Variants in ABRAXAS1 observed in about 807,000 individuals in gnomAD.
The protein encoded by ABRAXAS1 is BRCA1-A complex subunit Abraxas 1.
ABRAXAS1 carries 26 observed loss-of-function variants against 38.4 expected under a neutral mutation model. The ratio of observed to expected loss-of-function variants is 0.68; its 90% CI spans 0.50 to 0.94. The LOEUF is 0.94. ABRAXAS1 is among the 40% of genes least tolerant of loss of function. The pLI is 0.00. For missense variants in ABRAXAS1, 438 were observed against 481.9 expected (o/e 0.91, Z 0.85); for synonymous variants, 144 against 165.5 (o/e 0.87, Z 1.00).
chr4:83,476,644 T>G lies in ABRAXAS1; in HGVS notation c.214A>C (p.Ser72Arg). 1 of 1,564,068 alleles carries G rather than the reference T, an allele frequency of 6.4e-7. No individual in the cohort carries two copies. The highest frequency in any genetic ancestry group is 8.8e-7 in the Non-Finnish European group (1 of 1,135,776). The change falls in exon 3 of 9, where the codon AGC (serine) becomes CGC (arginine). Residue 72 changes from serine (S) to arginine (R), a missense_variant and splice_region_variant. Around this residue, in one of 3 missense-constraint regions of ABRAXAS1, gnomAD observed 194 missense variants for 269.0 expected, o/e 0.72. Coordinates refer to ENST00000321945, the MANE Select transcript of ABRAXAS1 (RefSeq NM_139076.3). The part of the protein sequence containing the change: ...QKYIPCYQLF[S>R]FYNSSGEVNE... ...TTACTTACTAGCACTACTACTTACCTAAAAAGCTGATAGCATGGAATATAT... is the reference window on the plus strand; with the variant it reads ...TTACTTACTAGCACTACTACTTACCGAAAAAGCTGATAGCATGGAATATAT...
chr4:83,479,403 CA>C (rs34420709), intron 2 of ABRAXAS1: 145 of 102,922 alleles, frequency 1.4e-3, no homozygotes, highest in African/African-American at 2.4e-3. Flanking sequence ...GACTCTGTTT[CA>C]AAAAAAAAAA....
chr4:83,462,975 G>A, intron 8 of ABRAXAS1, 73 bp from the exon 9 acceptor site: 1 of 1,008,648 alleles, frequency 9.9e-7, no homozygotes, highest in South Asian at 1.7e-5. Context: ...CTATTTGTAA[G>A]TAAAATTAAG....
chr4:83,462,841 G>A lies in ABRAXAS1; in HGVS notation c.858C>T (p.Thr286=), dbSNP rs1722186850. Residue 286 remains threonine (T), a synonymous_variant, in exon 9 of 9, where the codon ACC becomes ACT. Transcript: ENST00000321945. ...GAAGAAATTCAGAATTTGGAAAAAAGGTCCGTAATGCCTGACAAAGAAAAA... is the reference window on the plus strand; with the variant it reads ...GAAGAAATTCAGAATTTGGAAAAAAAGTCCGTAATGCCTGACAAAGAAAAA... ...ENIFLCQALR[T]FFPNSEFLHS... 4 of 1,609,878 alleles carry A rather than the reference G, an allele frequency of 2.5e-6. No homozygotes were observed. The highest frequency in any genetic ancestry group is 1.7e-5 in the Admixed American group (1 of 59,226).
chr4:83,468,895 G>C lies in ABRAXAS1; in HGVS notation c.596+137C>G. On this transcript the variant is annotated intron_variant, in intron 6 of 8. Coordinates refer to ENST00000321945, the MANE Select transcript of ABRAXAS1 (RefSeq NM_139076.3). ...TACACAAGCAGTAACAGGAGTATGAGGAAGGTAAAAACAGCCTAGTTTACT... is the reference window on the plus strand; with the variant it reads ...TACACAAGCAGTAACAGGAGTATGACGAAGGTAAAAACAGCCTAGTTTACT... 6.4e-6 allele frequency: 6 copies of C among 941,722 alleles called. No individual in the cohort carries two copies. The Admixed American group carries it at 1.4e-4, about 22-fold the overall frequency. 58.3% of individuals were successfully genotyped at this position (941,722 alleles called of 1,614,324 possible).
chr4:83,473,795 G>C (rs1172820675), intron 3 of ABRAXAS1, among the ~76,000 whole-genome samples: 3 of 151,672 alleles, frequency 2.0e-5, no homozygotes, highest in Admixed American at 2.0e-4. Flanking sequence ...AATTATAGGC[G>C]TGAGCCACCA....
intron 7 of ABRAXAS1, 36 bp downstream of exon 7, chr4:83,467,418 C>G: frequency 8.9e-7 from 1 of 1,127,908 alleles, no homozygotes; most frequent in Non-Finnish European, 1.3e-6. Flanking sequence ...TGAACTCTAT[C>G]TAGAAGTGGT....
intron 3 of ABRAXAS1, among the ~76,000 whole-genome samples, chr4:83,474,251 T>G (rs1448484136): frequency 6.6e-6 from 1 of 152,150 alleles, no homozygotes; most frequent in African/African-American, 2.4e-5. Flanking sequence ...TCCACATTTC[T>G]GAGGTAACCA....
rs1471089706 is a variant in ABRAXAS1 at position 83,462,549 on chromosome 4, T to C, written c.1150A>G (p.Lys384Glu). The C allele has an allele frequency of 6.2e-7, 1 of 1,614,202 alleles. No homozygotes were observed. Among genetic ancestry groups the C allele is most frequent in the Non-Finnish European group, 8.5e-7 (1 of 1,180,022 alleles). Residue 384 changes from lysine to glutamate, a missense_variant, in exon 9 of 9, where the codon AAA becomes GAA. This residue lies in a region of ABRAXAS1 where 184 missense variants were observed against 181.9 expected (regional missense o/e 1.01). Coordinates refer to ENST00000321945, the MANE Select transcript of ABRAXAS1 (RefSeq NM_139076.3). The part of the protein sequence containing the change: ...TGSSNQDKAS[K>E]MSSPETDEEI... The stretch of plus-strand genomic sequence containing the variant: ...TCATCTGTTTCTGGGCTGCTCATTT[T>C]GGATGCTTTATCTTGGTTACTACTA...
intron 2 of ABRAXAS1, among the ~76,000 whole-genome samples, chr4:83,481,212 G>A (rs946600650): frequency 6.6e-6 from 1 of 151,948 alleles, no homozygotes; most frequent in African/African-American, 2.4e-5. Context: ...ACAATATGAT[G>A]CCAAACCTTT....
intron 4 of ABRAXAS1, among the ~76,000 whole-genome samples, chr4:83,471,869 C>CA (rs199831455): frequency 6.7e-5 from 10 of 150,096 alleles, no homozygotes; most frequent in South Asian, 2.1e-4. Flanking sequence ...GACTCCGTCT[C>CA]AAAAAAAACA....
chr4:83,480,406 A>T, intron 2 of ABRAXAS1: 1 of 388,212 alleles, frequency 2.6e-6, no homozygotes. Context: ...ACACATATAT[A>T]TACACACACA....
chr4:83,466,667 C>T (rs1376699148), intron 7 of ABRAXAS1, among the ~76,000 whole-genome samples: 1 of 152,050 alleles, frequency 6.6e-6, no homozygotes, highest in Non-Finnish European at 1.5e-5. Flanking sequence ...ACCCGAGTAG[C>T]TGGGACTACA....
chr4:83,476,837 C>T (rs1241577492), intron 2 of ABRAXAS1, among the ~76,000 whole-genome samples, 158 bp from the exon 3 acceptor site: 1 of 152,142 alleles, frequency 6.6e-6, no homozygotes, highest in Non-Finnish European at 1.5e-5. Flanking sequence ...TATCATTATT[C>T]CCCTTTCAAA....
chr4:83,476,597 A>G (rs1722779355), intron 3 of ABRAXAS1, 46 bp downstream of exon 3: 1 of 1,270,238 alleles, frequency 7.9e-7, no homozygotes, highest in Non-Finnish European at 1.1e-6. Context: ...ACTTGCAGAG[A>G]GTAATTTTCA....
intron 2 of ABRAXAS1, 52 bp downstream of exon 2, chr4:83,482,102 T>C (rs1723017429): frequency 4.3e-6 from 5 of 1,171,110 alleles, no homozygotes; most frequent in Non-Finnish European, 6.2e-6. Context: ...GCATAAACTA[T>C]CAAATATAGG....
chr4:83,482,310 A>G, intron 1 of ABRAXAS1, 66 bp from the exon 2 acceptor site: 1 of 990,048 alleles, frequency 1.0e-6, no homozygotes. Context: ...AACTAACCGT[A>G]TTTCCTGAGT....
In ABRAXAS1 at chr4:83,460,825, G is replaced by A; in HGVS notation, c.*1644C>T. On this transcript the variant is annotated 3_prime_UTR_variant, in exon 9 of 9. Transcript: ENST00000321945. ...GGAGGCTGAGGCAAGATAATCGATT[G>A]AGCCTGGGTGGCGGAGGTTGCAGTG... 1 of 641,616 alleles carries A rather than the reference G, an allele frequency of 1.6e-6. No homozygotes were observed. The highest frequency in any genetic ancestry group is 1.9e-5 in the African/African-American group (1 of 53,998). The allele number at this position is 641,616 out of a possible 1,614,324, so 39.7% of individuals were successfully genotyped here. A position where few individuals can be genotyped will look rare whatever the true frequency, so the allele number is the denominator to read the frequency against.
rs1491368625 is a variant in ABRAXAS1 at position 83,466,538 on chromosome 4, AGT to A, written c.681+914_681+915del. 2.5e-3 allele frequency among the ~76,000 whole-genome samples: 322 copies of A among 131,196 alleles called. 2 individuals carry two copies. Among genetic ancestry groups the A allele is most frequent in the Middle Eastern group, 7.9e-3 (2 of 254 alleles). The allele number at this position is 131,196 out of a possible 152,430, so 86.1% of individuals were successfully genotyped here. A position where few individuals can be genotyped will look rare whatever the true frequency, so the allele number is the denominator to read the frequency against. ...TTAAGAGCTGTTGTGAATTTCCACTAGTTTTTTTTTTTTTTGAGACGGAGTCT... is the reference window on the plus strand; with the variant it reads ...TTAAGAGCTGTTGTGAATTTCCACTATTTTTTTTTTTTTGAGACGGAGTCT... On this transcript the variant is annotated intron_variant, in intron 7 of 8. Coordinates refer to ENST00000321945, the MANE Select transcript of ABRAXAS1 (RefSeq NM_139076.3).
chr4:83,483,150 T>C (rs921047199), intron 1 of ABRAXAS1, among the ~76,000 whole-genome samples: 2 of 152,218 alleles, frequency 1.3e-5, no homozygotes, highest in Admixed American at 6.5e-5. Context: ...AGGAGTGCTG[T>C]GAGCCCGATT....
Sources: allele counts gnomAD v4.1 joint callset (sites outside exome capture counted in the v4.1 genomes callset), GRCh38; gene constraint gnomAD v4.1.1; regional missense constraint gnomAD v4.1.1; transcripts MANE v1.5; gene names NCBI Gene and HGNC (gene_info 2026-07-23, HGNC 2026-07-21).